The following SLC16A7 variants were observed in gnomAD, a reference collection of about 807,000 sequenced individuals.
The protein encoded by SLC16A7 is solute carrier family 16 member 7.
Under a neutral mutation model 34.9 loss-of-function variants are expected in SLC16A7, and 33 were observed. The observed-to-expected ratio is 0.94, with a 90% CI of 0.72 to 1.26. SLC16A7 has a LOEUF of 1.26. SLC16A7 is among the 50% of genes most tolerant of loss of function. The pLI is 0.00. For synonymous variants in SLC16A7, 201 were observed against 206.6 expected (o/e 0.97, Z 0.23); for missense variants, 573 against 578.1 (o/e 0.99, Z 0.09).
At chr12:59,694,784 G>T (rs1276600270) in intron 2 of SLC16A7, among the ~76,000 whole-genome samples, 1 of 151,772 alleles carries the variant, frequency 6.6e-6, no homozygotes, top group Non-Finnish European at 1.5e-5. Context: ...TAAAACTAAA[G>T]ATTAGTAAAT....
chr12:59,626,225 T>A (rs1408542758), intron 1 of SLC16A7, among the ~76,000 whole-genome samples: 8 of 147,212 alleles, frequency 5.4e-5, no homozygotes, highest in African/African-American at 1.5e-4. Context: ...ATGTCCTCCT[T>A]TTAAGTCCCT....
intron 1 of SLC16A7, among the ~76,000 whole-genome samples, chr12:59,601,756 G>T (rs1013715911): frequency 2.6e-5 from 4 of 152,178 alleles, no homozygotes; most frequent in Admixed American, 2.0e-4. Context: ...GCCTCTTCTG[G>T]GTTGTAGACT....
intron 3 of SLC16A7, among the ~76,000 whole-genome samples, chr12:59,762,525 A>G (rs1019651922): frequency 2.0e-5 from 3 of 152,160 alleles, no homozygotes; most frequent in Admixed American, 6.6e-5. Context: ...GACATATTCA[A>G]TGTAAAACAA....
chr12:59,715,478 TA>T (rs1400141726), intron 3 of SLC16A7, among the ~76,000 whole-genome samples: 3 of 152,220 alleles, frequency 2.0e-5, no homozygotes, highest in African/African-American at 7.2e-5. Flanking sequence ...GAGGCCATTT[TA>T]AACAGAAGAA....
chr12:59,612,506 A>G (rs973569702), intron 1 of SLC16A7, among the ~76,000 whole-genome samples: 3 of 152,004 alleles, frequency 2.0e-5, no homozygotes, highest in Admixed American at 2.0e-4. Flanking sequence ...CTGTGGAGAC[A>G]TTTTCCCCAT....
chr12:59,755,057 A>G (rs1385815217), intron 3 of SLC16A7, among the ~76,000 whole-genome samples: 3 of 152,224 alleles, frequency 2.0e-5, no homozygotes, highest in South Asian at 2.1e-4. Flanking sequence ...AAATTCAACA[A>G]CACTTCATGC....
intron 2 of SLC16A7, among the ~76,000 whole-genome samples, chr12:59,679,335 C>A (rs1327984824): frequency 1.3e-5 from 2 of 152,198 alleles, no homozygotes; most frequent in Non-Finnish European, 1.5e-5. Flanking sequence ...CCCAGCCGTA[C>A]CCCTCCCACT....
chr12:59,627,460 T>C (rs1879979882), intron 1 of SLC16A7, among the ~76,000 whole-genome samples: 1 of 151,606 alleles, frequency 6.6e-6, no homozygotes. Flanking sequence ...TTATTAGTCT[T>C]TTCCTGTCTG....
chr12:59,762,699 T>A (rs927106482), intron 3 of SLC16A7, among the ~76,000 whole-genome samples: 5 of 151,950 alleles, frequency 3.3e-5, no homozygotes, highest in African/African-American at 1.2e-4. Flanking sequence ...GCCTAGCTGC[T>A]TGGGAGGCTG....
chr12:59,762,521 T>G (rs538791462), intron 3 of SLC16A7, among the ~76,000 whole-genome samples: 3 of 152,154 alleles, frequency 2.0e-5, no homozygotes, highest in African/African-American at 7.2e-5. Context: ...AAGGGACATA[T>G]TCAATGTAAA....
intron 1 of SLC16A7, among the ~76,000 whole-genome samples, chr12:59,633,895 A>G (rs1053028298): frequency 2.0e-5 from 3 of 152,034 alleles, no homozygotes; most frequent in Non-Finnish European, 4.4e-5. Context: ...CCCTCCTTCA[A>G]CACAAGGATT....
chr12:59,630,970 G>A (rs1241947828), intron 1 of SLC16A7, among the ~76,000 whole-genome samples: 1 of 151,860 alleles, frequency 6.6e-6, no homozygotes, highest in Non-Finnish European at 1.5e-5. Flanking sequence ...TTTTTCAAAG[G>A]GGATATTTAT....
intron 1 of SLC16A7, among the ~76,000 whole-genome samples, chr12:59,623,074 G>A (rs1281502234): frequency 1.3e-5 from 2 of 151,044 alleles, no homozygotes; most frequent in Non-Finnish European, 3.0e-5. Flanking sequence ...GTGTGTGTGT[G>A]TGTGTGTGTG....
intron 2 of SLC16A7, among the ~76,000 whole-genome samples, chr12:59,679,801 T>C (rs1415814560): frequency 6.6e-6 from 1 of 152,174 alleles, no homozygotes; most frequent in East Asian, 1.9e-4. Context: ...TTAAATGCAA[T>C]GTTTTACCTT....
At chr12:59,656,553 C>T (rs1868543853) in intron 2 of SLC16A7, among the ~76,000 whole-genome samples, 1 of 151,954 alleles carries the variant, frequency 6.6e-6, no homozygotes, top group African/African-American at 2.4e-5. Context: ...GATTTTAGTT[C>T]AGTGAGACCC....
chr12:59,789,706 TCTTA>T lies in SLC16A7; in HGVS notation c.*10032_*10035del, dbSNP rs1209998846. On this transcript the variant is annotated 3_prime_UTR_variant, in exon 6 of 6. Transcript: ENST00000547379. ...TTCTTACTGTATTTTAGTTATTGTT[TCTTA>T]CTTATCACTAATTTTTACTGCAGGT... 2.6e-5 allele frequency: 4 copies of T among 152,162 alleles called. No individual in the cohort carries two copies. The highest frequency in any genetic ancestry group is 9.7e-5 in the African/African-American group (4 of 41,450). The allele number at this position is 152,162 out of a possible 1,614,324, so 9.4% of individuals were successfully genotyped here.
rs532068709 is a variant in SLC16A7, at chr12:59,741,858, G to A, written c.218-29361G>A. On this transcript the variant is annotated intron_variant, in intron 3 of 5. Transcript: ENST00000547379. The stretch of plus-strand genomic sequence containing the variant: ...TGAGTTACTGGTGGTGAATCCATCT[G>A]GGTCTGCAGCAACCTCAATTCCTGC... Among the ~76,000 whole-genome samples the A allele has an allele frequency of 1.2e-4, 18 of 152,274 alleles. No individual in the cohort carries two copies. The South Asian group carries it at 3.3e-3, about 28-fold the overall frequency.
At chr12:59,632,259 C>G (rs898512296) in intron 1 of SLC16A7, among the ~76,000 whole-genome samples, 3 of 151,912 alleles carry the variant, frequency 2.0e-5, no homozygotes, top group Admixed American at 2.0e-4. Flanking sequence ...CTTTTATGCA[C>G]TTTTAACAAA....
In SLC16A7 at chr12:59,785,831, C is replaced by T. The variant is rs1193132161; in HGVS notation, c.*6152C>T. On this transcript the variant is annotated 3_prime_UTR_variant, in exon 6 of 6. Coordinates refer to ENST00000547379, the MANE Select transcript of SLC16A7 (RefSeq NM_001270623.2). ...TATGGCAAAATAAGCTAGAGAATCT[C>T]AGTGTGAAAACACTGATACTGAACA... 6.6e-6 allele frequency: 1 copy of T among 152,118 alleles called. No individual in the cohort carries two copies. The highest frequency in any genetic ancestry group is 1.9e-4 in the East Asian group (1 of 5,186). 9.4% of individuals were successfully genotyped at this position (152,118 alleles called of 1,614,324 possible). A position where few individuals can be genotyped will look rare whatever the true frequency, so the allele number is the denominator to read the frequency against.
Sources: gnomAD v4.1 joint callset for allele counts (sites outside exome capture counted in the v4.1 genomes callset) on GRCh38, gnomAD v4.1.1 for gene constraint, MANE v1.5 for transcripts, NCBI Gene and HGNC (gene_info 2026-07-23, HGNC 2026-07-21) for gene names.